GPC5: variants seen among roughly 807,000 people sequenced by gnomAD.
GPC5 encodes glypican-5.
In GPC5, 47 loss-of-function variants were observed where a neutral mutation model predicts 53.9. The observed-to-expected ratio is 0.87, with a 90% confidence interval of 0.69 to 1.11. The LOEUF (loss-of-function observed/expected upper bound fraction) is 1.11, where lower values mean the gene tolerates loss of function less well. Ranked by LOEUF, GPC5 falls within the 50% of genes most tolerant of loss-of-function variation. GPC5 has a pLI of 0.00. For synonymous variants in GPC5, 286 were observed against 263.3 expected, an observed-to-expected ratio of 1.09 and a Z score of -0.84; for missense variants, 748 against 713.1, an observed-to-expected ratio of 1.05 and a Z score of -0.56.
At chr13:92,072,817 C>T (rs549481556) in intron 6 of GPC5, among the ~76,000 whole-genome samples, 39 of 152,104 alleles carry the variant, frequency 2.6e-4, no homozygotes, top group African/African-American at 9.2e-4. Context: ...GCGATCTGCC[C>T]ACCTGGGCCT....
At chr13:92,753,242 C>G (rs904074735) in intron 7 of GPC5, among the ~76,000 whole-genome samples, 3 of 152,150 alleles carry the variant, frequency 2.0e-5, no homozygotes, top group Non-Finnish European at 4.4e-5. Context: ...ACACCTCACA[C>G]GGCAGGGTAC....
intron 7 of GPC5, among the ~76,000 whole-genome samples, chr13:92,785,724 G>C (rs1276490781): frequency 1.3e-5 from 2 of 152,172 alleles, no homozygotes; most frequent in Non-Finnish European, 2.9e-5. Context: ...GTGGCTAAGA[G>C]ACTAGACTCA....
intron 5 of GPC5, among the ~76,000 whole-genome samples, chr13:91,885,642 A>G (rs1034600849): frequency 1.3e-5 from 2 of 152,090 alleles, no homozygotes; most frequent in Non-Finnish European, 2.9e-5. Context: ...GCCCTGATTC[A>G]ATTACTGCTT....
intron 6 of GPC5, among the ~76,000 whole-genome samples, chr13:91,927,566 A>C (rs1181311825): frequency 1.3e-5 from 2 of 152,148 alleles, no homozygotes; most frequent in Non-Finnish European, 2.9e-5. Context: ...ATCTGTAGCA[A>C]CTTTTTTTTT....
intron 6 of GPC5, among the ~76,000 whole-genome samples, chr13:92,042,921 A>T (rs914528991): frequency 2.6e-5 from 4 of 152,230 alleles, no homozygotes; most frequent in African/African-American, 4.8e-5. Flanking sequence ...AATACAAATT[A>T]TTAAAAAGAG....
intron 7 of GPC5, among the ~76,000 whole-genome samples, chr13:92,511,480 T>C (rs1401212616): frequency 6.6e-6 from 1 of 152,206 alleles, no homozygotes; most frequent in African/African-American, 2.4e-5. Context: ...GGGGATCTCC[T>C]TTGCTAGGAT....
At chr13:92,162,561 C>A (rs1284134450) in intron 7 of GPC5, among the ~76,000 whole-genome samples, 1 of 152,080 alleles carries the variant, frequency 6.6e-6, no homozygotes, top group Non-Finnish European at 1.5e-5. Context: ...TTATGGATAA[C>A]CAGGGGAGCA....
intron 7 of GPC5, among the ~76,000 whole-genome samples, chr13:92,421,560 G>T (rs368712889): frequency 1.3e-5 from 2 of 151,786 alleles, no homozygotes; most frequent in African/African-American, 4.8e-5. Flanking sequence ...TTAGTCGGGC[G>T]TGGTGGCGGG....
chr13:92,033,919 G>A (rs551106552), intron 6 of GPC5, among the ~76,000 whole-genome samples: 29 of 152,182 alleles, frequency 1.9e-4, no homozygotes, highest in African/African-American at 4.3e-4. Flanking sequence ...CCTTAATTTC[G>A]TCATTTGAAA....
chr13:92,571,152 G>C (rs1286833312), intron 7 of GPC5, among the ~76,000 whole-genome samples: 3 of 152,076 alleles, frequency 2.0e-5, no homozygotes, highest in Admixed American at 6.6e-5. Context: ...GTCCATTTCT[G>C]AAAATTTGGG....
At chr13:91,494,266 C>A (rs1256643476) in intron 2 of GPC5, among the ~76,000 whole-genome samples, 3 of 151,552 alleles carry the variant, frequency 2.0e-5, no homozygotes, top group African/African-American at 7.3e-5. Flanking sequence ...TACACAAGAT[C>A]TATCTCCTCT....
chr13:91,588,538 T>C (rs1414714), intron 2 of GPC5, among the ~76,000 whole-genome samples: 37,725 of 151,976 alleles, frequency 0.25, 5,334 homozygotes, highest in South Asian at 0.4. Context: ...GGTGATGTAT[T>C]CTCCTCATAT....
intron 7 of GPC5, among the ~76,000 whole-genome samples, chr13:92,403,505 C>T (rs78779332): frequency 0.015 from 2,318 of 152,198 alleles, 67 homozygotes; most frequent in African/African-American, 0.053. Context: ...TTGTGAGCTG[C>T]GCATGTGAGG....
intron 7 of GPC5, among the ~76,000 whole-genome samples, chr13:92,763,676 C>T (rs1274600407): frequency 1.3e-5 from 2 of 152,106 alleles, no homozygotes; most frequent in African/African-American, 4.8e-5. Context: ...CAGCTTCATT[C>T]TCCAAGGAAG....
intron 1 of GPC5, among the ~76,000 whole-genome samples, chr13:91,422,247 T>A (rs1368888238): frequency 6.6e-6 from 1 of 152,210 alleles, no homozygotes; most frequent in Non-Finnish European, 1.5e-5. Context: ...ATTGGATTTG[T>A]AAAAAGCAAA....
intron 7 of GPC5, among the ~76,000 whole-genome samples, chr13:92,760,845 C>T (rs1875137809): frequency 6.6e-6 from 1 of 151,944 alleles, no homozygotes; most frequent in African/African-American, 2.4e-5. Context: ...TGATTTGTTG[C>T]ATTTCTATTA....
At chr13:92,325,211 A>G (rs1008165918) in intron 7 of GPC5, among the ~76,000 whole-genome samples, 1 of 151,942 alleles carries the variant, frequency 6.6e-6, no homozygotes, top group Non-Finnish European at 1.5e-5. Flanking sequence ...CCGTATACAC[A>G]TCAATCTAAT....
intron 7 of GPC5, among the ~76,000 whole-genome samples, chr13:92,341,020 AT>A (rs975677439): frequency 2.0e-5 from 3 of 151,988 alleles, no homozygotes; most frequent in Admixed American, 6.6e-5. Flanking sequence ...GTCCATCTTC[AT>A]TTTTTTTAAA....
At chr13:92,772,770 A>G in intron 7 of GPC5, among the ~76,000 whole-genome samples, 1 of 152,220 alleles carries the variant, frequency 6.6e-6, no homozygotes, top group East Asian at 1.9e-4. Context: ...AGTGCTTGAT[A>G]AATATCTGTT....
Sources: allele counts gnomAD v4.1 joint callset (sites outside exome capture counted in the v4.1 genomes callset), GRCh38; gene constraint gnomAD v4.1.1; transcripts MANE v1.5; gene names NCBI Gene and HGNC (gene_info 2026-07-23, HGNC 2026-07-21).